The following CSF1R variants were observed in gnomAD, a reference collection of about 807,000 sequenced individuals.
CSF1R encodes colony stimulating factor 1 receptor.
Under a neutral mutation model 110.0 loss-of-function variants are expected in CSF1R, and 40 were observed. The observed-to-expected ratio is 0.36, with a 90% CI of 0.28 to 0.47. The LOEUF (loss-of-function observed/expected upper bound fraction) is 0.47. Among genes scored for constraint, CSF1R ranks in the 20% least tolerant of loss-of-function variants. The probability of loss-of-function intolerance (pLI) is 0.99; values close to 1 mark genes in which losing one functional copy is unlikely to be tolerated. For synonymous variants in CSF1R, 523 were observed against 503.4 expected (o/e 1.04, Z -0.52); for missense variants, 1,052 against 1,253.0 (o/e 0.84, Z 2.42).
chr5:150,075,808 A>G (rs1045427569), intron 5 of CSF1R, among the ~76,000 whole-genome samples: 9 of 152,190 alleles, frequency 5.9e-5, no homozygotes, highest in Non-Finnish European at 1.2e-4. Context: ...ACAGGATTAG[A>G]AGCCGTAACT....
Position 150,070,546 on chromosome 5 carries a change from G to A in CSF1R, c.1108C>T (p.Arg370Cys), listed in dbSNP as rs1315261761. The change falls in exon 7 of 21, where the codon CGC becomes TGC. Residue 370 changes from arginine to cysteine, a missense_variant. Arg to Cys is a radical substitution (Grantham distance 180). Around this residue, in one of 5 missense-constraint regions of CSF1R, gnomAD observed 693 missense variants for 735.4 expected, o/e 0.94. Transcript: ENST00000675795. ...CGGCCAGCCTCAGAGGGCTTCAGGC[G>A]GGGCAGAGAGAGGGTGAAGGTGTGC... Reference protein sequence around the residue: ...YRHTFTLSLPRLKPSEAGRYS... With the variant: ...YRHTFTLSLPCLKPSEAGRYS... 6.5e-6 allele frequency: 10 copies of A among 1,544,528 alleles called. No individual in the cohort carries two copies. The highest frequency in any genetic ancestry group is 2.0e-5 in the Admixed American group (1 of 49,542).
chr5:150,080,686 T>G, intron 2 of CSF1R, 81 bp downstream of exon 2: 3 of 1,547,618 alleles, frequency 1.9e-6, no homozygotes, highest in Non-Finnish European at 2.6e-6. Context: ...AGAGCTGAAT[T>G]GTTACGATTG....
At chr5:150,110,336 G>A (rs541794628) in intron 1 of CSF1R, among the ~76,000 whole-genome samples, 6 of 152,282 alleles carry the variant, frequency 3.9e-5, no homozygotes, top group South Asian at 2.1e-4. Context: ...GTGTGCTCTC[G>A]CCATTGTTCC....
At chr5:150,082,582 C>T (rs1758600124) in intron 1 of CSF1R, among the ~76,000 whole-genome samples, 1 of 152,200 alleles carries the variant, frequency 6.6e-6, no homozygotes, top group Non-Finnish European at 1.5e-5. Context: ...CTGGGGCTGC[C>T]CTATCACTGC....
At chr5:150,064,635 T>C (rs1231443913) in intron 10 of CSF1R, among the ~76,000 whole-genome samples, 1 of 152,238 alleles carries the variant, frequency 6.6e-6, no homozygotes, top group Non-Finnish European at 1.5e-5. Context: ...TAGGAGCCTC[T>C]GTGGCTAAGA....
intron 1 of CSF1R, among the ~76,000 whole-genome samples, chr5:150,085,286 A>AAAAAAAAAAAC (rs762504061): frequency 0.019 from 2,809 of 148,742 alleles, 79 homozygotes; most frequent in South Asian, 0.046. Context: ...GGAAAAAAAA[A>AAAAAAAAAAAC]AAAAAAACCC....
chr5:150,070,430 A>G (rs779977623), intron 7 of CSF1R, 26 bp downstream of exon 7: 2 of 1,553,604 alleles, frequency 1.3e-6, no homozygotes, highest in Non-Finnish European at 1.7e-6. Context: ...CCTCCGCCCC[A>G]GGTGGCGCTC....
At position 150,077,093 on chromosome 5, in the gene CSF1R, C is replaced by G. The variant is rs530036973; in HGVS notation, c.889+183G>C. On this transcript the variant is annotated intron_variant, in intron 5 of 20. Coordinates refer to ENST00000675795, the MANE Select transcript of CSF1R (RefSeq NM_001288705.3). ...AAGAGCTCCAAGATGGGAGAGAGAT[C>G]CCAGGAGAGGGTAAGGGAAAGCTCC... The G allele has an allele frequency of 5.3e-4, 389 of 731,858 alleles. 1 individual carries two copies. Among genetic ancestry groups the G allele is most frequent in the Non-Finnish European group, 8.0e-4 (338 of 421,434 alleles). The allele number at this position is 731,858 out of a possible 1,614,324, so 45.3% of individuals were successfully genotyped here.
chr5:150,075,087 C>T (rs1758205885), intron 5 of CSF1R, among the ~76,000 whole-genome samples: 1 of 152,212 alleles, frequency 6.6e-6, no homozygotes, highest in Non-Finnish European at 1.5e-5. Flanking sequence ...CCAGACTACA[C>T]ACTCATTAGG....
chr5:150,093,938 C>T (rs868231069), intron 1 of CSF1R, among the ~76,000 whole-genome samples: 11 of 151,986 alleles, frequency 7.2e-5, no homozygotes, highest in African/African-American at 2.7e-4. Context: ...TGGCAGGTGC[C>T]TGTAATCCCA....
chr5:150,104,127 A>G (rs557393794), intron 1 of CSF1R, among the ~76,000 whole-genome samples: 7 of 152,314 alleles, frequency 4.6e-5, no homozygotes, highest in Admixed American at 6.5e-5. Flanking sequence ...GGCCTTGAGG[A>G]AACCTGGGCA....
In CSF1R at chr5:150,061,744, G is replaced by A; in HGVS notation, c.1732C>T (p.Pro578Ser). The change falls in exon 11 of 21, where the codon CCC becomes TCC. Residue 578 changes from proline (P) to serine (S), a missense_variant. By Grantham distance (74) the Pro-to-Ser change is moderately conservative. Coordinates refer to ENST00000675795, the MANE Select transcript of CSF1R (RefSeq NM_001288705.3). ...QLPYNEKWEF[P>S]RNNLQFGKTL... Reference sequence around the variant, plus strand: ...TCACCAAACTGCAGGTTGTTCCGGGGGAACTCCCACTTCTCGTTGTAAGGC... The same window carrying A: ...TCACCAAACTGCAGGTTGTTCCGGGAGAACTCCCACTTCTCGTTGTAAGGC... 1 of 1,614,218 alleles carries A rather than the reference G, an allele frequency of 6.2e-7. No homozygotes were observed. The highest frequency in any genetic ancestry group is 8.5e-7 in the Non-Finnish European group (1 of 1,180,044).
At chr5:150,094,432 A>G in intron 1 of CSF1R, 1 of 1,597,818 alleles carries the variant, frequency 6.3e-7, no homozygotes, top group Non-Finnish European at 8.5e-7. Flanking sequence ...ATGCTTCGAA[A>G]GGCAAGGAGG....
intron 10 of CSF1R, 65 bp from the exon 11 acceptor site, chr5:150,061,914 G>C: frequency 6.2e-7 from 1 of 1,607,568 alleles, no homozygotes; most frequent in Non-Finnish European, 8.5e-7. Context: ...CCTTGTTTCT[G>C]ACCCCCAAGA....
rs1052715516 is a variant in CSF1R at position 150,056,405 on chromosome 5, A to G, written c.2320-64T>C. 5 of 1,595,758 alleles carry G rather than the reference A, an allele frequency of 3.1e-6. No individual in the cohort carries two copies. In the African/African-American group the frequency reaches 6.7e-5, roughly 21 times the overall value. Reference sequence around the variant, plus strand: ...CCTACCTGAGCCTGAGGTGAGGAGGATGGCAGGGAGGGCCCCACATGGCTT... The same window carrying G: ...CCTACCTGAGCCTGAGGTGAGGAGGGTGGCAGGGAGGGCCCCACATGGCTT... On this transcript the variant is annotated intron_variant, in intron 16 of 20. Coordinates refer to ENST00000675795, the MANE Select transcript of CSF1R (RefSeq NM_001288705.3).
chr5:150,055,995 G>T, intron 18 of CSF1R, 31 bp downstream of exon 18: 1 of 1,602,446 alleles, frequency 6.2e-7, no homozygotes, highest in Non-Finnish European at 8.5e-7. Context: ...GCCAGCCCCA[G>T]GCTCTGCCTG....
chr5:150,103,456 T>G (rs895463050), intron 1 of CSF1R, among the ~76,000 whole-genome samples: 36 of 152,188 alleles, frequency 2.4e-4, no homozygotes, highest in East Asian at 3.9e-4. Flanking sequence ...CACTCTGGTT[T>G]CTTAGTAGTC....
rs1443434123 is a variant in CSF1R, at chr5:150,077,522, A to G, written c.730-87T>C. 12 of 1,382,430 alleles carry G rather than the reference A, an allele frequency of 8.7e-6. No homozygotes were observed. In the East Asian group the frequency reaches 1.2e-4, roughly 13 times the overall value. The allele number at this position is 1,382,430 out of a possible 1,614,324, so 85.6% of individuals were successfully genotyped here. ...TTCCAATCCTCAGCCTTTAAGGATT[A>G]CTATCTGCCTTTCCTCTGAGCCTGT... On this transcript the variant is annotated intron_variant, in intron 4 of 20. Coordinates refer to ENST00000675795, the MANE Select transcript of CSF1R (RefSeq NM_001288705.3).
In CSF1R at chr5:150,080,919, C is replaced by A. The variant is rs144261133; in HGVS notation, c.155G>T (p.Gly52Val). The change falls in exon 2 of 21, where the codon GGC becomes GTC. Residue 52 changes from glycine to valine, a missense_variant. By Grantham distance (109) the Gly-to-Val change is moderately radical. This residue lies in a region of CSF1R where 693 missense variants were observed against 735.4 expected (regional missense o/e 0.94). Transcript: ENST00000675795. The part of the protein sequence containing the change: ...CVGNGSVEWD[G>V]PPSPHWTLYS... Reference sequence around the variant, plus strand: ...CAGGGTCCAGTGAGGTGATGGGGGGCCATCCCATTCCACGCTGCCATTGCC... The same window carrying A: ...CAGGGTCCAGTGAGGTGATGGGGGGACATCCCATTCCACGCTGCCATTGCC... 5 of 1,614,032 alleles carry A rather than the reference C, an allele frequency of 3.1e-6. No individual in the cohort carries two copies. In the African/African-American group the frequency reaches 6.7e-5, roughly 22 times the overall value.
Sources: allele counts gnomAD v4.1 joint callset (sites outside exome capture counted in the v4.1 genomes callset), GRCh38; gene constraint gnomAD v4.1.1; regional missense constraint gnomAD v4.1.1; transcripts MANE v1.5; gene names NCBI Gene and HGNC (gene_info 2026-07-23, HGNC 2026-07-21).